The following PLAA variants were observed in gnomAD, a reference collection of about 807,000 sequenced individuals.
The protein encoded by PLAA is phospholipase A2 activating protein.
PLAA carries 48 observed loss-of-function variants against 84.1 expected under a neutral mutation model. The ratio of observed to expected loss-of-function variants is 0.57; its 90% confidence interval spans 0.45 to 0.73. The LOEUF (loss-of-function observed/expected upper bound fraction) is 0.73, where lower values mean the gene tolerates loss of function less well. PLAA is among the 30% of genes least tolerant of loss of function. The pLI is 0.00. For synonymous variants in PLAA, 392 were observed against 336.6 expected, an observed-to-expected ratio of 1.16 and a Z score of -1.80; for missense variants, 903 against 954.7, an observed-to-expected ratio of 0.95 and a Z score of 0.71.
At position 26,905,818 on chromosome 9, in the gene PLAA, C is replaced by T. The variant is rs777948248; in HGVS notation, c.2081G>A (p.Ser694Asn). The change falls in exon 14 of 14, where the codon AGC (serine) becomes AAC (asparagine). Residue 694 changes from serine (S) to asparagine (N), a missense_variant. Ser to Asn is a conservative substitution (Grantham distance 46, BLOSUM62 1). Transcript: ENST00000397292. Reference protein sequence around the residue: ...MSHAIELKSGSNKNIHIALAT... With the variant: ...MSHAIELKSGNNKNIHIALAT... ...CAGAGCAATGTGAATGTTCTTATTG[C>T]TCCCTGATTTCAGTTCTATTGCATG... is the stretch of plus-strand genomic sequence containing the variant. The T allele has an allele frequency of 6.2e-7, 1 of 1,614,168 alleles. No individual in the cohort carries two copies. The highest frequency in any genetic ancestry group is 8.5e-7 in the Non-Finnish European group (1 of 1,180,028).
At chr9:26,942,814 G>A (rs1395745369) in intron 1 of PLAA, among the ~76,000 whole-genome samples, 1 of 148,322 alleles carries the variant, frequency 6.7e-6, no homozygotes, top group Non-Finnish European at 1.5e-5. Flanking sequence ...GGGAGGCGGG[G>A]CTTGCAGTGA....
At chr9:26,937,645 G>A (rs1193086759) in intron 1 of PLAA, among the ~76,000 whole-genome samples, 1 of 152,042 alleles carries the variant, frequency 6.6e-6, no homozygotes, top group Non-Finnish European at 1.5e-5. Context: ...AAAGGAAGAT[G>A]GAGAAAGTCA....
chr9:26,911,787 G>T, intron 11 of PLAA, among the ~76,000 whole-genome samples: 1 of 152,012 alleles, frequency 6.6e-6, no homozygotes, highest in East Asian at 1.9e-4. Flanking sequence ...ACCCTATTTT[G>T]TTCAAATGTA....
rs376700084 is a variant in PLAA at position 26,921,338 on chromosome 9, T to C, written c.1040-954A>G. Reference sequence around the variant, plus strand: ...TCCATTAGATACAGCTGTAGTTGTCTAGCCAGAGACTACATTATCTAGTCC... The same window carrying C: ...TCCATTAGATACAGCTGTAGTTGTCCAGCCAGAGACTACATTATCTAGTCC... On this transcript the variant is annotated intron_variant, in intron 7 of 13. Transcript: ENST00000397292. 1.2e-4 allele frequency among the ~76,000 whole-genome samples: 19 copies of C among 152,334 alleles called. No homozygotes were observed. The East Asian group carries it at 1.5e-3, about 12-fold the overall frequency.
In PLAA at chr9:26,907,511, G is replaced by C. The variant is rs553572547; in HGVS notation, c.1822+323C>G. The C allele has an allele frequency of 1.5e-4, 36 of 232,440 alleles. 1 individual carries two copies. In the South Asian group the frequency reaches 1.6e-3, roughly 10 times the overall value. The allele number at this position is 232,440 out of a possible 1,614,324, so 14.4% of individuals were successfully genotyped here. ...GCCGAGATCACGCCACTGCACTCCAGCCTGGGCGACAGAGCAAGACTCCAT... is the reference window on the plus strand; with the variant it reads ...GCCGAGATCACGCCACTGCACTCCACCCTGGGCGACAGAGCAAGACTCCAT... On this transcript the variant is annotated intron_variant, in intron 13 of 13. Transcript: ENST00000397292.
chr9:26,939,484 C>CAAAAAAAAAAAAAAAAAACA (rs1825460322), intron 1 of PLAA, among the ~76,000 whole-genome samples: 1 of 76,924 alleles, frequency 1.3e-5, no homozygotes, highest in African/African-American at 4.4e-5. Context: ...GATGAGAGAC[C>CAAAAAAAAAAAAAAAAAACA]AAAAAAAAAA....
intron 11 of PLAA, among the ~76,000 whole-genome samples, chr9:26,910,984 C>A (rs1824382104): frequency 6.6e-6 from 1 of 152,068 alleles, no homozygotes; most frequent in African/African-American, 2.4e-5. Flanking sequence ...TTTCTCTAAT[C>A]TTTTTCTGCA....
rs992279735 is a variant in PLAA, at chr9:26,928,255, C to T, written c.445-35G>A. ...AAATGAGTATCAATTTAAGTTGCCA[C>T]AGAATCATTCAACTTAATTATTCTT... is the stretch of plus-strand genomic sequence containing the variant. On this transcript the variant is annotated intron_variant, in intron 3 of 13. Transcript: ENST00000397292. The T allele has an allele frequency of 2.5e-6, 4 of 1,613,830 alleles. No homozygotes were observed. The African/African-American group carries it at 4.0e-5, about 16-fold the overall frequency.
rs537405148 is a variant in PLAA, at chr9:26,928,411, A to T, written c.344-3T>A. 1.3e-6 allele frequency: 2 copies of T among 1,575,240 alleles called. No individual in the cohort carries two copies. The highest frequency in any genetic ancestry group is 2.2e-5 in the South Asian group (2 of 90,330). ...TTTTCCAGATGATAGACTACAAACT[A>T]AGGAAAAAACATCATTGGATAACAC... On this transcript the variant is annotated splice_polypyrimidine_tract_variant and splice_region_variant and intron_variant, in intron 2 of 13. Coordinates refer to ENST00000397292, the MANE Select transcript of PLAA (RefSeq NM_001031689.3).
rs150012469 is a variant in PLAA, at chr9:26,913,938, C to T, written c.1496G>A (p.Arg499His). The change falls in exon 11 of 14, where the codon CGT (arginine) becomes CAT (histidine). Residue 499 changes from arginine (R) to histidine (H), a missense_variant. Transcript: ENST00000397292. ...CATACTTGCAGAACCTGGTACATAA[C>T]GACCAGCACCTACAATACAATAATA... Reference protein sequence around the residue: ...PTADPFTGAGRYVPGSASMGT... With the variant: ...PTADPFTGAGHYVPGSASMGT... The T allele has an allele frequency of 6.2e-6, 10 of 1,609,664 alleles. No individual in the cohort carries two copies. The highest frequency in any genetic ancestry group is 4.0e-5 in the African/African-American group (3 of 74,810).
At chr9:26,929,390 C>G (rs1198792211) in intron 2 of PLAA, among the ~76,000 whole-genome samples, 1 of 152,032 alleles carries the variant, frequency 6.6e-6, no homozygotes, top group Non-Finnish European at 1.5e-5. Context: ...AAGAGAATTG[C>G]TTGAGCATGG....
chr9:26,929,236 T>C (rs1221531774), intron 2 of PLAA, among the ~76,000 whole-genome samples: 2 of 151,852 alleles, frequency 1.3e-5, no homozygotes, highest in Non-Finnish European at 2.9e-5. Context: ...ATTAGCCAGG[T>C]GGAGTGGCTC....
At chr9:26,943,380 C>G (rs1417419812) in intron 1 of PLAA, among the ~76,000 whole-genome samples, 2 of 152,142 alleles carry the variant, frequency 1.3e-5, no homozygotes, top group African/African-American at 2.4e-5. Flanking sequence ...CCCCATTATT[C>G]CCAGTCCATC....
In PLAA at chr9:26,919,320, A is replaced by G. The variant is rs1490761613; in HGVS notation, c.1407T>C (p.Asp469=). ...TAAACACTAACTTACCTGTAAATGG[A>G]TCTGAAAAGCTGGGATTCCCAAGTC... ...MLGLGNPSFS[D]PFTGGGRYVP... Residue 469 remains aspartate, a synonymous_variant, in exon 9 of 14, where the codon GAT becomes GAC. Transcript: ENST00000397292. The G allele has an allele frequency of 6.2e-7, 1 of 1,606,198 alleles. No homozygotes were observed. Among genetic ancestry groups the G allele is most frequent in the Admixed American group, 1.7e-5 (1 of 59,772 alleles).
At chr9:26,913,179 C>A (rs1824448665) in intron 11 of PLAA, among the ~76,000 whole-genome samples, 1 of 151,964 alleles carries the variant, frequency 6.6e-6, no homozygotes, top group Admixed American at 6.6e-5. Flanking sequence ...TTACAAAGAA[C>A]ATAAAAATTA....
rs767350005 is a variant in PLAA at position 26,928,092 on chromosome 9, G to C, written c.565+8C>G. On this transcript the variant is annotated splice_region_variant and intron_variant, in intron 4 of 13. Transcript: ENST00000397292. ...TGATATTATAAAACTTGTCTACCCT[G>C]ATCTTACCTGAAAAAGTCCTCTCAC... is the stretch of plus-strand genomic sequence containing the variant. 2 of 1,611,800 alleles carry C rather than the reference G, an allele frequency of 1.2e-6. No homozygotes were observed. Among genetic ancestry groups the C allele is most frequent in the Admixed American group, 1.7e-5 (1 of 59,314 alleles).
chr9:26,913,372 G>A (rs1403061064), intron 11 of PLAA, among the ~76,000 whole-genome samples: 1 of 152,092 alleles, frequency 6.6e-6, no homozygotes, highest in Admixed American at 6.6e-5. Flanking sequence ...TAGTTGCTCA[G>A]AAGAACTATA....
intron 10 of PLAA, chr9:26,915,929 G>C: frequency 6.1e-6 from 6 of 985,404 alleles, no homozygotes; most frequent in Non-Finnish European, 7.2e-6. Flanking sequence ...TGCTGATAGA[G>C]AGAAAGCCAT....
rs767853215 is a variant in PLAA at position 26,908,020 on chromosome 9, T to G, written c.1658-22A>C. 8.4e-6 allele frequency: 13 copies of G among 1,555,596 alleles called. No homozygotes were observed. In the African/African-American group the frequency reaches 1.7e-4, roughly 20 times the overall value. On this transcript the variant is annotated intron_variant, in intron 12 of 13. Coordinates refer to ENST00000397292, the MANE Select transcript of PLAA (RefSeq NM_001031689.3). ...TTACCTAGAACCCAAAACCAAACTT[T>G]CAAAATTCTCTAACTGTAATTGGCC... is the stretch of plus-strand genomic sequence containing the variant.
Sources: allele counts gnomAD v4.1 joint callset (sites outside exome capture counted in the v4.1 genomes callset), GRCh38; gene constraint gnomAD v4.1.1; transcripts MANE v1.5; gene names NCBI Gene and HGNC (gene_info 2026-07-23, HGNC 2026-07-21).